Variants in TLCD4 observed in about 807,000 individuals in gnomAD.
TLCD4 encodes TLC domain containing 4, also known as TLC domain-containing protein 4.
In TLCD4, 7 loss-of-function variants were observed where a neutral mutation model predicts 24.2. That is an observed-to-expected ratio of 0.29 (90% CI 0.16 to 0.54). TLCD4 has a LOEUF of 0.54. TLCD4 is among the 20% of genes least tolerant of loss of function. TLCD4 has a pLI of 0.95. For synonymous variants in TLCD4, 103 were observed against 106.4 expected, an observed-to-expected ratio of 0.97 and a Z score of 0.20; for missense variants, 259 against 313.9, an observed-to-expected ratio of 0.82 and a Z score of 1.32.
chr1:95,126,432 GA>G (rs35106714), intron 1 of TLCD4, among the ~76,000 whole-genome samples: 132,195 of 137,310 alleles, frequency 0.96, 63,643 homozygotes, highest in South Asian at 0.99. Flanking sequence ...TGTCTCAGGA[GA>G]AAAAAAAAAA....
At chr1:95,188,119 A>G (rs1334477747) in intron 6 of TLCD4, among the ~76,000 whole-genome samples, 2 of 152,028 alleles carry the variant, frequency 1.3e-5, no homozygotes, top group African/African-American at 2.4e-5. Flanking sequence ...CGGGCGCGGT[A>G]GCTCACGCCT....
chr1:95,160,814 A>G (rs1571754880), intron 5 of TLCD4, among the ~76,000 whole-genome samples: 1 of 152,120 alleles, frequency 6.6e-6, no homozygotes, highest in African/African-American at 2.4e-5. Flanking sequence ...TTATTGGTTT[A>G]CGTATGTTGA....
At chr1:95,096,479 G>A in the TLCD4 span, among the ~76,000 whole-genome samples, 39 of 152,262 alleles carry the variant, frequency 2.6e-4, no homozygotes, top group African/African-American at 8.7e-4. Flanking sequence ...CTTTGCGGAA[G>A]GGACAGTAAG....
intron 1 of TLCD4, among the ~76,000 whole-genome samples, chr1:95,137,187 G>A (rs1677067154): frequency 6.6e-6 from 1 of 152,166 alleles, no homozygotes; most frequent in African/African-American, 2.4e-5. Flanking sequence ...GGTCAAATGG[G>A]AAGAAACCTC....
intron 6 of TLCD4, among the ~76,000 whole-genome samples, chr1:95,184,684 C>G (rs6692825): frequency 6.6e-6 from 1 of 151,924 alleles, no homozygotes; most frequent in Admixed American, 6.5e-5. Context: ...GAAAGTGTTG[C>G]TGTTCTTCTT....
intron 1 of TLCD4, among the ~76,000 whole-genome samples, chr1:95,141,452 G>A (rs1330339617): frequency 6.6e-6 from 1 of 151,934 alleles, no homozygotes; most frequent in Non-Finnish European, 1.5e-5. Flanking sequence ...AAGTCTTCAG[G>A]GGAAACCTCC....
intron 5 of TLCD4, among the ~76,000 whole-genome samples, chr1:95,166,802 T>G (rs1306700925): frequency 6.6e-6 from 1 of 152,120 alleles, no homozygotes; most frequent in Non-Finnish European, 1.5e-5. Flanking sequence ...CAGTCATAGC[T>G]TGCTATGGCC....
At chr1:95,171,342 G>A (rs1678214198) in intron 5 of TLCD4, among the ~76,000 whole-genome samples, 1 of 151,990 alleles carries the variant, frequency 6.6e-6, no homozygotes, top group Non-Finnish European at 1.5e-5. Context: ...CTGCAGCCCG[G>A]GAAACCCCTT....
At chr1:95,143,786 A>C in intron 1 of TLCD4, 105 bp from the exon 2 acceptor site, 1 of 1,118,018 alleles carries the variant, frequency 8.9e-7, no homozygotes, top group Non-Finnish European at 1.2e-6. Flanking sequence ...CATTTGTTCT[A>C]AATTTTAAAA....
chr1:95,137,562 T>C (rs1677079891), intron 1 of TLCD4, among the ~76,000 whole-genome samples: 1 of 152,148 alleles, frequency 6.6e-6, no homozygotes. Flanking sequence ...TGATCGTGTT[T>C]TGGTGGGGAG....
At chr1:95,161,261 T>C (rs1677792686) in intron 5 of TLCD4, among the ~76,000 whole-genome samples, 1 of 152,200 alleles carries the variant, frequency 6.6e-6, no homozygotes, top group Non-Finnish European at 1.5e-5. Flanking sequence ...AATTTATCCA[T>C]TTCTTCTAGA....
intron 6 of TLCD4, among the ~76,000 whole-genome samples, chr1:95,185,670 T>C (rs1304100703): frequency 6.6e-6 from 1 of 152,238 alleles, no homozygotes; most frequent in African/African-American, 2.4e-5. Flanking sequence ...ATATTTTCTT[T>C]TCTTTATGAT....
At chr1:95,159,980 G>A (rs1365287451) in intron 5 of TLCD4, among the ~76,000 whole-genome samples, 1 of 152,174 alleles carries the variant, frequency 6.6e-6, no homozygotes, top group African/African-American at 2.4e-5. Context: ...GATTGTCTTG[G>A]CAATGCGGGC....
intron 5 of TLCD4, among the ~76,000 whole-genome samples, chr1:95,167,080 A>G (rs1341645256): frequency 2.0e-5 from 3 of 151,712 alleles, no homozygotes; most frequent in African/African-American, 4.8e-5. Flanking sequence ...CCGCATACTG[A>G]TGGCCATCAG....
At chr1:95,131,110 T>C (rs1290495904) in intron 1 of TLCD4, among the ~76,000 whole-genome samples, 1 of 152,176 alleles carries the variant, frequency 6.6e-6, no homozygotes, top group African/African-American at 2.4e-5. Flanking sequence ...GTGTTGTGCA[T>C]GGAGATTTAA....
chr1:95,107,729 G>T, the TLCD4 span, among the ~76,000 whole-genome samples: 1 of 152,104 alleles, frequency 6.6e-6, no homozygotes, highest in Non-Finnish European at 1.5e-5. Flanking sequence ...TCATATTGAT[G>T]TATGGGTTCT....
chr1:95,113,062 A>G (rs1284951920), upstream of TLCD4, among the ~76,000 whole-genome samples: 12 of 131,436 alleles, frequency 9.1e-5, no homozygotes, highest in Non-Finnish European at 1.4e-4. Flanking sequence ...TTTTTTTTTG[A>G]GACAGAGTCT....
intron 5 of TLCD4, chr1:95,163,201 CT>C (rs1262806839): frequency 6.6e-6 from 1 of 152,148 alleles, no homozygotes; most frequent in Non-Finnish European, 1.5e-5. Context: ...TCGTTCATTT[CT>C]TTTTACTCTT....
intron 5 of TLCD4, among the ~76,000 whole-genome samples, chr1:95,168,513 G>T (rs572876389): frequency 6.9e-6 from 1 of 145,962 alleles, no homozygotes; most frequent in African/African-American, 2.5e-5. Context: ...TTAAAATCTG[G>T]ATGGCTTTCT....
Sources: gnomAD v4.1 joint callset for allele counts (sites outside exome capture counted in the v4.1 genomes callset) on GRCh38, gnomAD v4.1.1 for gene constraint, MANE v1.5 for transcripts, NCBI Gene and HGNC (gene_info 2026-07-23, HGNC 2026-07-21) for gene names.